The following NTF3 variants were observed in gnomAD, a reference collection of about 807,000 sequenced individuals.
NTF3 encodes neurotrophin 3.
NTF3 carries 8 observed loss-of-function variants against 26.3 expected under a neutral mutation model. That is an observed-to-expected ratio of 0.30 (90% CI 0.18 to 0.55). The LOEUF is 0.55. NTF3 is among the 20% of genes least tolerant of loss of function. NTF3 has a pLI of 0.93. For missense variants in NTF3, 276 were observed against 352.9 expected (o/e 0.78, Z 1.75); for synonymous variants, 154 against 145.5 (o/e 1.06, Z -0.42).
chr12:5,489,924 GA>G (rs1240759002), intron 1 of NTF3, among the ~76,000 whole-genome samples: 6 of 152,322 alleles, frequency 3.9e-5, no homozygotes, highest in African/African-American at 1.4e-4. Flanking sequence ...TATTTTGAGG[GA>G]TGGTGAAACC....
intron 1 of NTF3, among the ~76,000 whole-genome samples, chr12:5,459,742 G>A (rs1940503490): frequency 6.6e-6 from 1 of 152,192 alleles, no homozygotes; most frequent in African/African-American, 2.4e-5. Flanking sequence ...TTTATCAGCA[G>A]GACCTTCGAG....
chr12:5,449,352 C>T (rs10774331), intron 1 of NTF3, among the ~76,000 whole-genome samples: 102,156 of 152,098 alleles, frequency 0.67, 34,385 homozygotes, highest in South Asian at 0.73. Context: ...CTCACTCTCA[C>T]GGCTCTTCTC....
chr12:5,452,795 T>C (rs1295947101), intron 1 of NTF3, among the ~76,000 whole-genome samples: 1 of 152,208 alleles, frequency 6.6e-6, no homozygotes, highest in Non-Finnish European at 1.5e-5. Flanking sequence ...GACTGTCGCC[T>C]CCCCTTTGCT....
intron 1 of NTF3, among the ~76,000 whole-genome samples, chr12:5,480,356 G>A (rs1940774184): frequency 6.6e-6 from 1 of 152,184 alleles, no homozygotes; most frequent in African/African-American, 2.4e-5. Context: ...GGGAGGAGGG[G>A]GAGCTGGGTG....
intron 1 of NTF3, among the ~76,000 whole-genome samples, chr12:5,440,751 A>G (rs1940226543): frequency 1.3e-5 from 2 of 152,118 alleles, no homozygotes. Flanking sequence ...GAGGAGTTGG[A>G]CTCACTAGAG....
chr12:5,471,768 G>A (rs942472025), intron 1 of NTF3, among the ~76,000 whole-genome samples: 8 of 151,960 alleles, frequency 5.3e-5, no homozygotes, highest in Non-Finnish European at 1.0e-4. Flanking sequence ...AGATCTCCTC[G>A]TGCATATCTG....
Position 5,456,639 on chromosome 12 carries a change from G to T in NTF3, c.18+24297G>T, listed in dbSNP as rs1196466829. Among the ~76,000 whole-genome samples, 1 of 152,164 alleles carries T rather than the reference G, an allele frequency of 6.6e-6. No homozygotes were observed. The highest frequency in any genetic ancestry group is 2.4e-5 in the African/African-American group (1 of 41,432). Reference sequence around the variant, plus strand: ...CCCCCACCCCCAGCCCCTGGAGCAGGTACTCGGGGTCAGAGCTCTGCTGAG... The same window carrying T: ...CCCCCACCCCCAGCCCCTGGAGCAGTTACTCGGGGTCAGAGCTCTGCTGAG... On this transcript the variant is annotated intron_variant, in intron 1 of 1. Coordinates refer to ENST00000423158, the MANE Select transcript of NTF3 (RefSeq NM_001102654.2). This position sits in a 1 kb window ranked among gnomAD's most constrained non-coding sequence, Gnocchi z 4.4.
intron 1 of NTF3, among the ~76,000 whole-genome samples, chr12:5,477,889 T>G (rs1940743508): frequency 6.6e-6 from 1 of 152,192 alleles, no homozygotes; most frequent in African/African-American, 2.4e-5. Context: ...TTTCTCACTT[T>G]CTGGGGAATT....
At chr12:5,458,895 ACT>A (rs1424027189) in intron 1 of NTF3, among the ~76,000 whole-genome samples, 1 of 152,130 alleles carries the variant, frequency 6.6e-6, no homozygotes, top group Non-Finnish European at 1.5e-5. Context: ...GCACACGCAC[ACT>A]GACAGACAAC....
upstream of NTF3, among the ~76,000 whole-genome samples, chr12:5,430,698 G>A (rs567861646): frequency 9.2e-5 from 14 of 151,728 alleles, no homozygotes; most frequent in Non-Finnish European, 1.9e-4. Context: ...GCAATTTCAA[G>A]GTATTTGGAT....
Position 5,432,211 on chromosome 12 carries a change from C to A in NTF3, c.-114C>A, listed in dbSNP as rs1940100264. ...TCTCTCTCCTTTCTTTCTTCCTCTC[C>A]TTTTTCCCCTGCTGGGTAGTGGCTG... is the stretch of plus-strand genomic sequence containing the variant. On this transcript the variant is annotated 5_prime_UTR_variant, in exon 1 of 2. Transcript: ENST00000423158. 3 of 1,221,810 alleles carry A rather than the reference C, an allele frequency of 2.5e-6. No homozygotes were observed. The highest frequency in any genetic ancestry group is 4.7e-5 in the East Asian group (2 of 42,878). The allele number at this position is 1,221,810 out of a possible 1,614,324, so 75.7% of individuals were successfully genotyped here. A position where few individuals can be genotyped will look rare whatever the true frequency, so the allele number is the denominator to read the frequency against.
chr12:5,494,918 T>C lies in NTF3; in HGVS notation c.743T>C (p.Val248Ala), dbSNP rs769056252. The C allele has an allele frequency of 1.1e-5, 18 of 1,614,116 alleles. No homozygotes were observed. Among genetic ancestry groups the C allele is most frequent in the Non-Finnish European group, 1.4e-5 (17 of 1,180,014 alleles). The change falls in exon 2 of 2, where the codon GTG becomes GCG. Residue 248 changes from valine to alanine, a missense_variant. By Grantham distance (64) the Val-to-Ala change is moderately conservative. Coordinates refer to ENST00000423158, the MANE Select transcript of NTF3 (RefSeq NM_001102654.2). This position sits in a 1 kb window ranked among gnomAD's most constrained non-coding sequence, Gnocchi z 8.3. ...RALTSENNKL[V>A]GWRWIRIDTS... ...CTGACTTCAGAGAACAATAAACTCGTGGGCTGGCGGTGGATACGGATAGAC... is the reference window on the plus strand; with the variant it reads ...CTGACTTCAGAGAACAATAAACTCGCGGGCTGGCGGTGGATACGGATAGAC...
chr12:5,464,737 C>T (rs932357684), intron 1 of NTF3, among the ~76,000 whole-genome samples: 7 of 152,136 alleles, frequency 4.6e-5, no homozygotes, highest in African/African-American at 1.4e-4. Flanking sequence ...CTCTTACTTG[C>T]ACTTACATGA....
Position 5,494,460 on chromosome 12 carries a change from C to T in NTF3, c.285C>T (p.Phe95=), listed in dbSNP as rs1485660401. 3 of 1,613,686 alleles carry T rather than the reference C, an allele frequency of 1.9e-6. No homozygotes were observed. Among genetic ancestry groups the T allele is most frequent in the East Asian group, 2.2e-5 (1 of 44,840 alleles). The change falls in exon 2 of 2, where the codon TTC becomes TTT. Residue 95 remains phenylalanine (F), a synonymous_variant. Coordinates refer to ENST00000423158, the MANE Select transcript of NTF3 (RefSeq NM_001102654.2). The surrounding 1 kb of genome is among the most constrained non-coding windows in gnomAD (Gnocchi z 8.3). ...PERGGPAKSA[F]QPVIAMDTEL... is the part of the protein sequence containing the mutation. ...GGGGAGGGCCCGCCAAGTCAGCATT[C>T]CAGCCGGTGATTGCAATGGACACCG... is the stretch of plus-strand genomic sequence containing the variant.
At chr12:5,465,312 C>T (rs1270475558) in intron 1 of NTF3, among the ~76,000 whole-genome samples, 2 of 152,226 alleles carry the variant, frequency 1.3e-5, no homozygotes, top group African/African-American at 4.8e-5. Flanking sequence ...GGGCAGCTGA[C>T]ACACCTTTGA....
chr12:5,441,934 T>G (rs934795894), intron 1 of NTF3, among the ~76,000 whole-genome samples: 1 of 152,230 alleles, frequency 6.6e-6, no homozygotes, highest in African/African-American at 2.4e-5. Context: ...AAATTGGGGC[T>G]CTTGGTCACA....
At chr12:5,445,447 A>G (rs983994552) in intron 1 of NTF3, among the ~76,000 whole-genome samples, 1 of 152,104 alleles carries the variant, frequency 6.6e-6, no homozygotes, top group African/African-American at 2.4e-5. Flanking sequence ...AGCATGTATA[A>G]GGAAAGTGTG....
At chr12:5,470,171 G>T (rs903170842) in intron 1 of NTF3, among the ~76,000 whole-genome samples, 1 of 152,116 alleles carries the variant, frequency 6.6e-6, no homozygotes, top group Non-Finnish European at 1.5e-5. Flanking sequence ...TGATCCACCC[G>T]CCTCGGCCTC....
intron 1 of NTF3, among the ~76,000 whole-genome samples, chr12:5,438,846 C>A (rs898856857): frequency 1.3e-5 from 2 of 152,216 alleles, no homozygotes; most frequent in Non-Finnish European, 2.9e-5. Context: ...ATCTCCCAGT[C>A]CCATTCCAGC....
Sources: allele counts gnomAD v4.1 joint callset (sites outside exome capture counted in the v4.1 genomes callset), GRCh38; gene constraint gnomAD v4.1.1; non-coding constraint Gnocchi (gnomAD v3.1); transcripts MANE v1.5; gene names NCBI Gene and HGNC (gene_info 2026-07-23, HGNC 2026-07-21).